Variants in TNS3 observed in about 807,000 individuals in gnomAD.
TNS3 encodes tensin 3.
A neutral mutation model predicts 140.9 loss-of-function variants in TNS3; 45 were observed. The ratio of observed to expected loss-of-function variants is 0.32; its 90% confidence interval spans 0.25 to 0.41. TNS3 has a LOEUF of 0.41. Among genes scored for constraint, TNS3 ranks in the 10% least tolerant of loss-of-function variants. The pLI is 1.00. For missense variants in TNS3, 1,716 were observed against 1,906.7 expected (o/e 0.90, Z 1.86); for synonymous variants, 815 against 788.4 (o/e 1.03, Z -0.56).
In TNS3 at chr7:47,472,583, G is replaced by A. The variant is rs184991559; in HGVS notation, c.-76+8520C>T. Among the ~76,000 whole-genome samples the A allele has an allele frequency of 5.9e-5, 9 of 152,172 alleles. No individual in the cohort carries two copies. In the South Asian group the frequency reaches 1.7e-3, roughly 28 times the overall value. On this transcript the variant is annotated intron_variant, in intron 4 of 30. Coordinates refer to ENST00000311160, the MANE Select transcript of TNS3 (RefSeq NM_022748.12). ...GTGGCCCTAAACTTGCTCCCTGGCA[G>A]CTCCCTACACACAGGCCTTATGGTT...
chr7:47,304,310 A>G (rs1312522089), intron 21 of TNS3, among the ~76,000 whole-genome samples: 2 of 152,240 alleles, frequency 1.3e-5, no homozygotes, highest in African/African-American at 4.8e-5. Flanking sequence ...TGGAACATTC[A>G]TGGGTACAGA....
chr7:47,332,379 A>G (rs1365635536), intron 20 of TNS3, among the ~76,000 whole-genome samples: 4 of 152,242 alleles, frequency 2.6e-5, no homozygotes, highest in Non-Finnish European at 5.9e-5. Flanking sequence ...ATTTTCTTCC[A>G]AGCCATTCCC....
chr7:47,513,610 A>T (rs1798680698), intron 2 of TNS3, among the ~76,000 whole-genome samples: 1 of 152,262 alleles, frequency 6.6e-6, no homozygotes, highest in Non-Finnish European at 1.5e-5. Context: ...AATGAAAAAC[A>T]TAATAAAAAG....
chr7:47,507,777 C>G (rs928976530), intron 2 of TNS3, among the ~76,000 whole-genome samples: 5 of 152,220 alleles, frequency 3.3e-5, no homozygotes, highest in Admixed American at 2.6e-4. Flanking sequence ...AATCCCAACA[C>G]AGCCTCCTGT....
intron 13 of TNS3, among the ~76,000 whole-genome samples, chr7:47,405,863 C>T (rs533110346): frequency 1.3e-5 from 2 of 152,104 alleles, no homozygotes; most frequent in Non-Finnish European, 2.9e-5. Flanking sequence ...GTTTACAAGT[C>T]GGGTCACTGG....
Position 47,400,387 on chromosome 7 carries a change from A to G in TNS3, c.919+6T>C. ...GGACCACCCAGTATTCCACCAAGCT[A>G]CCCACCTTGAATCTTCTCAGGCGTG... On this transcript the variant is annotated splice_donor_region_variant and intron_variant, in intron 15 of 30. Transcript: ENST00000311160. 1 of 1,613,884 alleles carries G rather than the reference A, an allele frequency of 6.2e-7. No homozygotes were observed. The highest frequency in any genetic ancestry group is 1.7e-5 in the Admixed American group (1 of 60,016).
chr7:47,501,417 A>G (rs1025286082), intron 3 of TNS3, among the ~76,000 whole-genome samples: 1 of 152,184 alleles, frequency 6.6e-6, no homozygotes, highest in Admixed American at 6.5e-5. Context: ...GGGAGCACCA[A>G]CCCTGCTGAA....
At chr7:47,544,947 A>G (rs1002914203) in intron 1 of TNS3, among the ~76,000 whole-genome samples, 3 of 151,804 alleles carry the variant, frequency 2.0e-5, no homozygotes, top group Non-Finnish European at 4.4e-5. Flanking sequence ...AACCCTGCAG[A>G]GTTAGTTGTA....
intron 28 of TNS3, among the ~76,000 whole-genome samples, chr7:47,283,200 C>T (rs1289753327): frequency 3.3e-5 from 5 of 152,232 alleles, no homozygotes; most frequent in Non-Finnish European, 5.9e-5. Context: ...TAAAGATCCA[C>T]ATGGAGAACA....
rs1162951208 is a variant in TNS3, at chr7:47,487,582, C to T, written c.-114-6441G>A. Among the ~76,000 whole-genome samples, 5 of 152,034 alleles carry T rather than the reference C, an allele frequency of 3.3e-5. No individual in the cohort carries two copies. The South Asian group carries it at 6.2e-4, about 19-fold the overall frequency. ...CAAATGCACACACACCACACAACACCGAATGCAAATCCGTGGGACAGCATT... is the reference window on the plus strand; with the variant it reads ...CAAATGCACACACACCACACAACACTGAATGCAAATCCGTGGGACAGCATT... On this transcript the variant is annotated intron_variant, in intron 3 of 30. Transcript: ENST00000311160.
intron 16 of TNS3, among the ~76,000 whole-genome samples, chr7:47,377,097 C>G (rs574345636): frequency 2.0e-5 from 3 of 152,298 alleles, no homozygotes; most frequent in Admixed American, 6.5e-5. Context: ...AGGAACCATC[C>G]TGTCCCTAGG....
intron 23 of TNS3, among the ~76,000 whole-genome samples, chr7:47,299,039 C>T (rs1279322094): frequency 6.6e-6 from 1 of 152,262 alleles, no homozygotes; most frequent in Non-Finnish European, 1.5e-5. Flanking sequence ...TGGGGCAGGG[C>T]ACAGGCCCTG....
chr7:47,425,524 A>G (rs1449016478), intron 9 of TNS3, among the ~76,000 whole-genome samples: 3 of 152,090 alleles, frequency 2.0e-5, no homozygotes, highest in Admixed American at 6.5e-5. Context: ...AAAATGGACA[A>G]CTTGCTACGT....
intron 20 of TNS3, among the ~76,000 whole-genome samples, chr7:47,307,325 C>T (rs1228445458): frequency 6.6e-6 from 1 of 152,210 alleles, no homozygotes; most frequent in Non-Finnish European, 1.5e-5. Context: ...AGAATGTATA[C>T]ATAGCTCATT....
intron 1 of TNS3, among the ~76,000 whole-genome samples, chr7:47,574,468 T>A (rs1372218755): frequency 6.6e-6 from 1 of 151,494 alleles, no homozygotes; most frequent in Non-Finnish European, 1.5e-5. Flanking sequence ...CCATATATAC[T>A]AAGGAGTTCC....
At chr7:47,328,296 T>G (rs1012521020) in intron 20 of TNS3, among the ~76,000 whole-genome samples, 1 of 152,214 alleles carries the variant, frequency 6.6e-6, no homozygotes. Flanking sequence ...GCCCAGTCAG[T>G]GCCTCCAGAC....
At chr7:47,344,655 G>T in intron 20 of TNS3, 100 bp downstream of exon 20, 1 of 1,095,024 alleles carries the variant, frequency 9.1e-7, no homozygotes, top group Non-Finnish European at 1.3e-6. Context: ...CGACACAAAT[G>T]GAAACATTTC....
At chr7:47,370,282 A>G (rs552653064) in intron 16 of TNS3, among the ~76,000 whole-genome samples, 102 of 152,284 alleles carry the variant, frequency 6.7e-4, no homozygotes, top group Middle Eastern at 3.4e-3. Context: ...TCCGTCTCAA[A>G]AAAAAAAGAA....
chr7:47,467,633 T>C (rs1796774327), intron 4 of TNS3, among the ~76,000 whole-genome samples: 1 of 152,108 alleles, frequency 6.6e-6, no homozygotes, highest in Non-Finnish European at 1.5e-5. Flanking sequence ...TGAGTGAAGT[T>C]TCTGCCCAAA....
Sources: gnomAD v4.1 joint callset for allele counts (sites outside exome capture counted in the v4.1 genomes callset) on GRCh38, gnomAD v4.1.1 for gene constraint, MANE v1.5 for transcripts, NCBI Gene and HGNC (gene_info 2026-07-23, HGNC 2026-07-21) for gene names.